Variants in NUBPL observed in about 807,000 individuals in gnomAD.
NUBPL encodes NUBP iron-sulfur cluster assembly factor, mitochondrial, also known as iron-sulfur cluster transfer protein NUBPL.
NUBPL carries 31 observed loss-of-function variants against 45.7 expected under a neutral mutation model. The observed-to-expected ratio is 0.68, with a 90% CI of 0.51 to 0.92. NUBPL has a LOEUF of 0.92. Among genes scored for constraint, NUBPL ranks in the 40% least tolerant of loss-of-function variants. The pLI, the probability that NUBPL is intolerant of heterozygous loss-of-function variation, is 0.00. For synonymous variants in NUBPL, 144 were observed against 140.9 expected (o/e 1.02, Z -0.15); for missense variants, 401 against 398.7 (o/e 1.01, Z -0.05).
chr14:31,735,235 T>C (rs2038139945), intron 6 of NUBPL, among the ~76,000 whole-genome samples: 2 of 151,226 alleles, frequency 1.3e-5, no homozygotes, highest in South Asian at 2.1e-4. Context: ...ACCTAGTAGA[T>C]TTCTATGTAA....
intron 6 of NUBPL, among the ~76,000 whole-genome samples, chr14:31,691,998 G>A (rs1336472551): frequency 6.6e-6 from 1 of 152,128 alleles, no homozygotes; most frequent in Non-Finnish European, 1.5e-5. Context: ...AATGCATTTT[G>A]TGATGCCTTG....
intron 8 of NUBPL, chr14:31,843,615 A>G (rs548646800): frequency 1.3e-5 from 2 of 152,364 alleles, no homozygotes; most frequent in African/African-American, 4.8e-5. Flanking sequence ...TTCCAGCTTC[A>G]TCTAACTCCA....
chr14:31,784,382 G>T (rs1159980771), intron 6 of NUBPL, among the ~76,000 whole-genome samples: 1 of 152,126 alleles, frequency 6.6e-6, no homozygotes, highest in Admixed American at 6.6e-5. Flanking sequence ...TATGAGAAAG[G>T]TTAAGAGGGA....
intron 3 of NUBPL, among the ~76,000 whole-genome samples, chr14:31,580,742 A>G (rs567733135): frequency 6.6e-6 from 1 of 152,354 alleles, no homozygotes; most frequent in Non-Finnish European, 1.5e-5. Flanking sequence ...GGCCACAGGA[A>G]GAGCAAAAGC....
At chr14:31,664,483 T>C (rs1194280206) in intron 4 of NUBPL, among the ~76,000 whole-genome samples, 1 of 152,234 alleles carries the variant, frequency 6.6e-6, no homozygotes, top group Non-Finnish European at 1.5e-5. Flanking sequence ...TCTGCATCTA[T>C]TGAGATAATC....
chr14:31,607,100 G>T (rs1339660176), intron 4 of NUBPL, among the ~76,000 whole-genome samples: 1 of 152,130 alleles, frequency 6.6e-6, no homozygotes, highest in Non-Finnish European at 1.5e-5. Context: ...TAACTAGCTG[G>T]CTGGGCACAG....
chr14:31,608,406 T>C (rs2034661443), intron 4 of NUBPL, among the ~76,000 whole-genome samples: 1 of 151,968 alleles, frequency 6.6e-6, no homozygotes, highest in South Asian at 2.1e-4. Flanking sequence ...ATACAAAAAT[T>C]AGCTGGGCAT....
chr14:31,597,587 G>A (rs914529333), intron 3 of NUBPL, among the ~76,000 whole-genome samples: 7 of 152,086 alleles, frequency 4.6e-5, no homozygotes, highest in Admixed American at 1.3e-4. Flanking sequence ...TTAAAAAGCT[G>A]TTATTTTACT....
intron 6 of NUBPL, among the ~76,000 whole-genome samples, chr14:31,678,554 A>T (rs2036754411): frequency 6.6e-6 from 1 of 152,068 alleles, no homozygotes; most frequent in Non-Finnish European, 1.5e-5. Context: ...GTATCGGGTT[A>T]CCTTCTGGCC....
intron 7 of NUBPL, among the ~76,000 whole-genome samples, chr14:31,797,831 G>A (rs375462246): frequency 0.068 from 8,643 of 126,714 alleles, 370 homozygotes; most frequent in Non-Finnish European, 0.095. Flanking sequence ...TCCTAGTCTC[G>A]ATGGTCTTTA....
Position 31,768,182 on chromosome 14 carries a change from A to G in NUBPL, c.514-19598A>G, listed in dbSNP as rs116638118. Among the ~76,000 whole-genome samples the G allele has an allele frequency of 8.6e-3, 1,313 of 152,302 alleles. 20 individuals carry two copies. The highest frequency in any genetic ancestry group is 0.03 in the African/African-American group (1,237 of 41,552). On this transcript the variant is annotated intron_variant, in intron 6 of 10. Transcript: ENST00000281081. ...GTTTTTAACTTAGCTTCTGTTTCTT[A>G]GCTAAAATTCCTGAGTTTGGCAGGA...
intron 8 of NUBPL, among the ~76,000 whole-genome samples, chr14:31,836,612 A>C (rs1595695588): frequency 6.6e-6 from 1 of 152,214 alleles, no homozygotes; most frequent in Non-Finnish European, 1.5e-5. Flanking sequence ...TTCTTACTGC[A>C]TTAGTTGCCC....
chr14:31,768,705 A>G (rs2038956740), intron 6 of NUBPL, among the ~76,000 whole-genome samples: 2 of 152,212 alleles, frequency 1.3e-5, no homozygotes, highest in African/African-American at 4.8e-5. Context: ...GCTTTGAAAA[A>G]CAGTCTAAAT....
At chr14:31,747,639 A>G (rs2038430635) in intron 6 of NUBPL, among the ~76,000 whole-genome samples, 1 of 151,996 alleles carries the variant, frequency 6.6e-6, no homozygotes, top group Non-Finnish European at 1.5e-5. Flanking sequence ...CTTTGTATTT[A>G]TGTGGTCTTG....
intron 3 of NUBPL, among the ~76,000 whole-genome samples, chr14:31,574,328 G>A (rs2139472676): frequency 6.6e-6 from 1 of 151,760 alleles, no homozygotes. Context: ...CAAGTGGTAC[G>A]ATCTCGGCTC....
At chr14:31,692,891 A>G (rs994024049) in intron 6 of NUBPL, among the ~76,000 whole-genome samples, 1 of 152,214 alleles carries the variant, frequency 6.6e-6, no homozygotes, top group Non-Finnish European at 1.5e-5. Flanking sequence ...TTATACAAGA[A>G]GCTGTAATAG....
At chr14:31,593,186 G>GGT (rs1206917362) in intron 3 of NUBPL, among the ~76,000 whole-genome samples, 1 of 152,134 alleles carries the variant, frequency 6.6e-6, no homozygotes, top group Non-Finnish European at 1.5e-5. Context: ...GATGTGTACA[G>GGT]GTTATATGCA....
At chr14:31,658,457 T>C (rs2036192365) in intron 4 of NUBPL, among the ~76,000 whole-genome samples, 1 of 152,158 alleles carries the variant, frequency 6.6e-6, no homozygotes. Flanking sequence ...ATAAATAATA[T>C]TTCACTGCAC....
At chr14:31,760,177 G>GAC (rs1398221857) in intron 6 of NUBPL, among the ~76,000 whole-genome samples, 43 of 147,036 alleles carry the variant, frequency 2.9e-4, no homozygotes, top group African/African-American at 1.0e-3. Context: ...GAGAGAGAGA[G>GAC]AGAGACAGGG....
Sources: gnomAD v4.1 joint callset for allele counts (sites outside exome capture counted in the v4.1 genomes callset) on GRCh38, gnomAD v4.1.1 for gene constraint, MANE v1.5 for transcripts, NCBI Gene and HGNC (gene_info 2026-07-23, HGNC 2026-07-21) for gene names.